Variants in CALCR observed in about 807,000 individuals in gnomAD.
CALCR encodes the protein calcitonin receptor.
CALCR carries 47 observed loss-of-function variants against 59.5 expected under a neutral mutation model. The observed-to-expected ratio is 0.79, with a 90% CI of 0.63 to 1.01. The LOEUF (loss-of-function observed/expected upper bound fraction) is 1.01, where lower values mean the gene tolerates loss of function less well. CALCR is among the 50% of genes least tolerant of loss of function. The probability of loss-of-function intolerance (pLI) is 0.00; values close to 1 mark genes in which losing one functional copy is unlikely to be tolerated. For missense variants in CALCR, 566 were observed against 597.1 expected (o/e 0.95, Z 0.54); for synonymous variants, 213 against 211.3 (o/e 1.01, Z -0.07).
intron 2 of CALCR, among the ~76,000 whole-genome samples, chr7:93,558,857 A>G (rs941116695): frequency 6.6e-6 from 1 of 152,100 alleles, no homozygotes; most frequent in Non-Finnish European, 1.5e-5. Context: ...CAGCAACAAA[A>G]TGACCTGAGA....
At chr7:93,428,133 T>G (rs2115651009) in intron 13 of CALCR, among the ~76,000 whole-genome samples, 1 of 152,276 alleles carries the variant, frequency 6.6e-6, no homozygotes, top group South Asian at 2.1e-4. Context: ...AGCTGAAAGT[T>G]GTATTGAAAA....
At chr7:93,464,000 GTCAT>G (rs1418426191) in intron 7 of CALCR, among the ~76,000 whole-genome samples, 5 of 152,036 alleles carry the variant, frequency 3.3e-5, no homozygotes, top group Admixed American at 3.3e-4. Context: ...CAATCAAGGT[GTCAT>G]TCAAATGTGA....
intron 2 of CALCR, among the ~76,000 whole-genome samples, chr7:93,573,431 C>T (rs1584641234): frequency 2.0e-5 from 3 of 152,168 alleles, no homozygotes; most frequent in Admixed American, 6.5e-5. Flanking sequence ...AACTTGATTC[C>T]GGTTAACCAC....
chr7:93,517,726 T>C (rs746782722), intron 2 of CALCR, among the ~76,000 whole-genome samples: 1 of 151,944 alleles, frequency 6.6e-6, no homozygotes, highest in Non-Finnish European at 1.5e-5. Flanking sequence ...GTGTGGCTCA[T>C]TGACCTCTTA....
chr7:93,546,814 G>A (rs1789301425), intron 2 of CALCR, among the ~76,000 whole-genome samples: 1 of 151,944 alleles, frequency 6.6e-6, no homozygotes, highest in South Asian at 2.1e-4. Context: ...ACCTGCCTTG[G>A]CCTCCCAAAG....
chr7:93,493,154 A>G (rs1305166279), intron 2 of CALCR, among the ~76,000 whole-genome samples: 1 of 151,362 alleles, frequency 6.6e-6, no homozygotes, highest in Non-Finnish European at 1.5e-5. Flanking sequence ...ATAGCTATAT[A>G]TCTCTGGCAC....
At chr7:93,482,131 T>C (rs1294640395) in intron 3 of CALCR, among the ~76,000 whole-genome samples, 2 of 151,888 alleles carry the variant, frequency 1.3e-5, no homozygotes, top group East Asian at 3.9e-4. Flanking sequence ...TGCAAAATTT[T>C]TAAAAAAGAG....
intron 2 of CALCR, among the ~76,000 whole-genome samples, chr7:93,512,545 A>G (rs1035328711): frequency 1.3e-5 from 2 of 152,176 alleles, no homozygotes; most frequent in East Asian, 1.9e-4. Flanking sequence ...AGACTTTTGT[A>G]AAGTTTACGT....
In CALCR at chr7:93,426,299, G is replaced by T; in HGVS notation, c.*57C>A. On this transcript the variant is annotated 3_prime_UTR_variant, in exon 14 of 14. Coordinates refer to ENST00000426151, the MANE Select transcript of CALCR (RefSeq NM_001742.4). Reference sequence around the variant, plus strand: ...AGGATGGAGAATACTTTAAATGCATGGTCTTTCTCCCAGGAAATGATGGCT... The same window carrying T: ...AGGATGGAGAATACTTTAAATGCATTGTCTTTCTCCCAGGAAATGATGGCT... 3 of 946,962 alleles carry T rather than the reference G, an allele frequency of 3.2e-6. No homozygotes were observed. Among genetic ancestry groups the T allele is most frequent in the Non-Finnish European group, 5.2e-6 (3 of 576,644 alleles). 58.7% of individuals were successfully genotyped at this position (946,962 alleles called of 1,614,324 possible).
chr7:93,443,225 G>A (rs1273290860), intron 9 of CALCR, among the ~76,000 whole-genome samples: 1 of 152,100 alleles, frequency 6.6e-6, no homozygotes, highest in Non-Finnish European at 1.5e-5. Flanking sequence ...GGTAGGGGAG[G>A]TACATAATTC....
rs368164945 is a variant in CALCR, at chr7:93,509,938, A to G, written c.-26-22931T>C. Among the ~76,000 whole-genome samples, 8 of 152,220 alleles carry G rather than the reference A, an allele frequency of 5.3e-5. No homozygotes were observed. In the East Asian group the frequency reaches 1.4e-3, roughly 26 times the overall value. On this transcript the variant is annotated intron_variant, in intron 2 of 13. Transcript: ENST00000426151. Reference sequence around the variant, plus strand: ...TTGTTTGACCTAAAACTTCCCTCCAATCAAGTTAGTTGGGCATTACATTTA... The same window carrying G: ...TTGTTTGACCTAAAACTTCCCTCCAGTCAAGTTAGTTGGGCATTACATTTA...
In CALCR at chr7:93,443,752, G is replaced by A. The variant is rs1472052597; in HGVS notation, c.654C>T (p.Ser218=). The A allele has an allele frequency of 3.1e-6, 5 of 1,612,038 alleles. No homozygotes were observed. The highest frequency in any genetic ancestry group is 4.2e-6 in the Non-Finnish European group (5 of 1,178,698). ...NGELVRRDPV[S]CKILHFFHQY... ...GGTGGAAAAAATGCAAAATCTTGCA[G>A]CTCACCTGTCAGAAAGAAAGGAAGA... The change falls in exon 9 of 14, where the codon AGC becomes AGT. Residue 218 remains serine, a synonymous_variant. Coordinates refer to ENST00000426151, the MANE Select transcript of CALCR (RefSeq NM_001742.4).
At chr7:93,508,522 G>A (rs560209360) in intron 2 of CALCR, among the ~76,000 whole-genome samples, 1 of 152,134 alleles carries the variant, frequency 6.6e-6, no homozygotes, top group South Asian at 2.1e-4. Flanking sequence ...TATTACCATT[G>A]TTGAACTCTC....
chr7:93,505,104 G>A (rs977202493), intron 2 of CALCR, among the ~76,000 whole-genome samples: 16 of 151,904 alleles, frequency 1.1e-4, no homozygotes, highest in Non-Finnish European at 1.9e-4. Context: ...CCTGAAAAAG[G>A]CCTGCAATTC....
intron 2 of CALCR, among the ~76,000 whole-genome samples, chr7:93,490,905 A>G (rs916999204): frequency 6.6e-6 from 1 of 152,016 alleles, no homozygotes; most frequent in Non-Finnish European, 1.5e-5. Flanking sequence ...AGAAAAAACT[A>G]CTTTAAATTT....
chr7:93,558,522 TAG>T (rs1442743540), intron 2 of CALCR, among the ~76,000 whole-genome samples: 3 of 152,138 alleles, frequency 2.0e-5, no homozygotes, highest in African/African-American at 7.2e-5. Flanking sequence ...AAAGAATCAG[TAG>T]AGATATTGAG....
intron 2 of CALCR, among the ~76,000 whole-genome samples, chr7:93,500,558 C>T (rs1397869173): frequency 1.3e-5 from 2 of 151,962 alleles, no homozygotes; most frequent in Non-Finnish European, 2.9e-5. Context: ...TCCCCCATAA[C>T]CTTGCTATGC....
At chr7:93,495,880 T>C in intron 2 of CALCR, 1 of 1,530,272 alleles carries the variant, frequency 6.5e-7, no homozygotes, top group Non-Finnish European at 8.8e-7. Flanking sequence ...CTATACTGGT[T>C]TGTATCCACA....
intron 8 of CALCR, among the ~76,000 whole-genome samples, chr7:93,452,066 G>T (rs140748927): frequency 6.6e-6 from 1 of 151,834 alleles, no homozygotes; most frequent in African/African-American, 2.4e-5. Flanking sequence ...CCAGTTATTG[G>T]GTACTATGCT....
Sources: gnomAD v4.1 joint callset for allele counts (sites outside exome capture counted in the v4.1 genomes callset) on GRCh38, gnomAD v4.1.1 for gene constraint, MANE v1.5 for transcripts, NCBI Gene and HGNC (gene_info 2026-07-23, HGNC 2026-07-21) for gene names.